The following YAP1 variants were observed in gnomAD, a reference collection of about 807,000 sequenced individuals.
The protein encoded by YAP1 is Yes1 associated transcriptional regulator.
In YAP1, 5 loss-of-function variants were observed where a neutral mutation model predicts 56.9. The observed-to-expected ratio is 0.09, with a 90% confidence interval of 0.05 to 0.18. The LOEUF (loss-of-function observed/expected upper bound fraction) is 0.18, where lower values mean the gene tolerates loss of function less well. Ranked by LOEUF, YAP1 falls within the 10% of genes least tolerant of loss-of-function variation. YAP1 has a pLI of 1.00. For synonymous variants in YAP1, 265 were observed against 248.1 expected, an observed-to-expected ratio of 1.07 and a Z score of -0.64; for missense variants, 539 against 651.8, an observed-to-expected ratio of 0.83 and a Z score of 1.88.
chr11:102,137,314 G>C (rs998613336), intron 2 of YAP1, among the ~76,000 whole-genome samples: 4 of 152,198 alleles, frequency 2.6e-5, no homozygotes, highest in Admixed American at 2.0e-4. Flanking sequence ...TTAAAACCCT[G>C]AGTGTAGAAA....
At chr11:102,151,198 T>A (rs1250714568) in intron 2 of YAP1, among the ~76,000 whole-genome samples, 1 of 152,178 alleles carries the variant, frequency 6.6e-6, no homozygotes, top group African/African-American at 2.4e-5. Flanking sequence ...CTTTCCTTCC[T>A]GGGTACATTT....
At chr11:102,163,767 G>A (rs1255095076) in intron 3 of YAP1, among the ~76,000 whole-genome samples, 1 of 152,180 alleles carries the variant, frequency 6.6e-6, no homozygotes, top group Non-Finnish European at 1.5e-5. Flanking sequence ...CCTTGACTAG[G>A]CGAATTCACA....
intron 3 of YAP1, among the ~76,000 whole-genome samples, chr11:102,184,417 A>C (rs1381406332): frequency 1.3e-5 from 2 of 152,182 alleles, no homozygotes; most frequent in Non-Finnish European, 2.9e-5. Flanking sequence ...CCTCTGGTAA[A>C]CTTGGGATGT....
At chr11:102,190,889 A>T (rs532529927) in intron 4 of YAP1, among the ~76,000 whole-genome samples, 1 of 152,188 alleles carries the variant, frequency 6.6e-6, no homozygotes, top group African/African-American at 2.4e-5. Flanking sequence ...GTGAGCTAAG[A>T]TGGTGCACTG....
At chr11:102,132,196 A>G (rs1373253872) in intron 2 of YAP1, among the ~76,000 whole-genome samples, 1 of 152,236 alleles carries the variant, frequency 6.6e-6, no homozygotes, top group Non-Finnish European at 1.5e-5. Flanking sequence ...AGGTAGTAGC[A>G]TGGGTCAGAT....
intron 3 of YAP1, among the ~76,000 whole-genome samples, chr11:102,175,024 A>G: frequency 6.6e-6 from 1 of 152,224 alleles, no homozygotes; most frequent in Non-Finnish European, 1.5e-5. Flanking sequence ...GTTTGGCAGA[A>G]GAATCTTCTA....
chr11:102,224,187 A>G (rs1257983362), intron 7 of YAP1, among the ~76,000 whole-genome samples: 1 of 152,222 alleles, frequency 6.6e-6, no homozygotes, highest in Admixed American at 6.5e-5. Context: ...GTAAGGCCTC[A>G]TGTTCTTAAG....
chr11:102,210,573 G>T (rs1377348884), intron 6 of YAP1, among the ~76,000 whole-genome samples: 1 of 152,034 alleles, frequency 6.6e-6, no homozygotes, highest in Non-Finnish European at 1.5e-5. Context: ...CCAAGCAAGG[G>T]ATAACTCAAT....
intron 4 of YAP1, among the ~76,000 whole-genome samples, chr11:102,190,170 T>C (rs1355587181): frequency 6.6e-6 from 1 of 152,208 alleles, no homozygotes; most frequent in African/African-American, 2.4e-5. Flanking sequence ...TTTTTTTTGT[T>C]CTGTTTTGTT....
In YAP1 at chr11:102,230,888, A is replaced by T. The variant is rs1950416469; in HGVS notation, c.*948A>T. 1 of 152,166 alleles carries T rather than the reference A, an allele frequency of 6.6e-6. No individual in the cohort carries two copies. The allele number at this position is 152,166 out of a possible 1,614,324, so 9.4% of individuals were successfully genotyped here. On this transcript the variant is annotated 3_prime_UTR_variant, in exon 9 of 9. Coordinates refer to ENST00000282441, the MANE Select transcript of YAP1 (RefSeq NM_001130145.3). ...ATATACATACACACACCCAAACATAACATTTATAATAGTGTGGTAGTGGAA... is the reference window on the plus strand; with the variant it reads ...ATATACATACACACACCCAAACATATCATTTATAATAGTGTGGTAGTGGAA...
chr11:102,125,960 A>G (rs1944014873), intron 2 of YAP1, among the ~76,000 whole-genome samples: 1 of 152,086 alleles, frequency 6.6e-6, no homozygotes, highest in African/African-American at 2.4e-5. Flanking sequence ...TAAGTCTGCC[A>G]GTCTGGAGAG....
intron 2 of YAP1, among the ~76,000 whole-genome samples, chr11:102,140,797 C>T (rs567367832): frequency 2.6e-5 from 4 of 151,846 alleles, no homozygotes; most frequent in South Asian, 2.1e-4. Flanking sequence ...GAGCTGAGAT[C>T]GTGCTGTTTC....
intron 5 of YAP1, among the ~76,000 whole-genome samples, chr11:102,206,378 G>C (rs2135596881): frequency 6.6e-6 from 1 of 152,308 alleles, no homozygotes; most frequent in Non-Finnish European, 1.5e-5. Context: ...ACATGGAATT[G>C]TGGATTGCTG....
intron 3 of YAP1, among the ~76,000 whole-genome samples, chr11:102,169,678 C>T (rs530380472): frequency 2.0e-5 from 3 of 152,116 alleles, no homozygotes; most frequent in Admixed American, 6.5e-5. Context: ...TTTTTCCCAT[C>T]TAGAAGTTCA....
intron 4 of YAP1, among the ~76,000 whole-genome samples, chr11:102,200,779 T>A (rs1948813018): frequency 5.9e-5 from 9 of 152,146 alleles, no homozygotes; most frequent in Admixed American, 5.9e-4. Flanking sequence ...AGCAAAAAGA[T>A]GACAATCTGA....
intron 4 of YAP1, among the ~76,000 whole-genome samples, chr11:102,194,663 T>C (rs1371894530): frequency 6.6e-6 from 1 of 152,136 alleles, no homozygotes; most frequent in Non-Finnish European, 1.5e-5. Flanking sequence ...GGGAACCTGC[T>C]TGCACCTGGG....
At chr11:102,221,409 GCTT>G (rs1949922419) in intron 6 of YAP1, among the ~76,000 whole-genome samples, 1 of 152,060 alleles carries the variant, frequency 6.6e-6, no homozygotes, top group Non-Finnish European at 1.5e-5. Flanking sequence ...GATATAACGT[GCTT>G]CTTTTTAATG....
chr11:102,206,009 C>A lies in YAP1; in HGVS notation c.919C>A (p.Arg307=). The change falls in exon 5 of 9, where the codon CGA becomes AGA. Residue 307 remains arginine, a synonymous_variant. Coordinates refer to ENST00000282441, the MANE Select transcript of YAP1 (RefSeq NM_001130145.3). ...GSNSNQQQQM[R]LQQLQMEKER... ...CAACTCCAACCAGCAGCAACAGATG[C>A]GACTGCAGCAACTGCAGATGGAGAA... 1.2e-6 allele frequency: 2 copies of A among 1,613,858 alleles called. No homozygotes were observed. Among genetic ancestry groups the A allele is most frequent in the Non-Finnish European group, 8.5e-7 (1 of 1,179,910 alleles).
intron 3 of YAP1, among the ~76,000 whole-genome samples, chr11:102,163,303 C>G (rs1197422806): frequency 6.6e-6 from 1 of 152,162 alleles, no homozygotes; most frequent in Admixed American, 6.5e-5. Flanking sequence ...TATGAAGCCT[C>G]TAGTAATTAC....
Sources: allele counts gnomAD v4.1 joint callset (sites outside exome capture counted in the v4.1 genomes callset), GRCh38; gene constraint gnomAD v4.1.1; transcripts MANE v1.5; gene names NCBI Gene and HGNC (gene_info 2026-07-23, HGNC 2026-07-21).